The following SGCZ variants were observed in gnomAD, a reference collection of about 807,000 sequenced individuals.
SGCZ encodes sarcoglycan zeta.
In SGCZ, 40 loss-of-function variants were observed where a neutral mutation model predicts 41.3. The observed-to-expected ratio is 0.97, with a 90% CI of 0.75 to 1.26. The LOEUF (loss-of-function observed/expected upper bound fraction) is 1.26, where lower values mean the gene tolerates loss of function less well. Among genes scored for constraint, SGCZ ranks in the 50% most tolerant of loss-of-function variants. SGCZ has a pLI of 0.00. For synonymous variants in SGCZ, 206 were observed against 137.5 expected (o/e 1.50, Z -3.49); for missense variants, 552 against 369.8 (o/e 1.49, Z -4.04).
chr8:14,105,061 A>AAAC (rs1197644865), intron 6 of SGCZ, among the ~76,000 whole-genome samples: 1 of 152,156 alleles, frequency 6.6e-6, no homozygotes, highest in Non-Finnish European at 1.5e-5. Flanking sequence ...AAATAAAAAC[A>AAAC]AACATTAGGC....
chr8:14,617,856 G>GTGTA (rs201298112), intron 1 of SGCZ, among the ~76,000 whole-genome samples: 15,905 of 111,794 alleles, frequency 0.14, 939 homozygotes, highest in African/African-American at 0.2. Context: ...GTTTATGTGT[G>GTGTA]TGTGTGTGTG....
At chr8:14,143,994 C>T (rs1003748731) in intron 5 of SGCZ, among the ~76,000 whole-genome samples, 2 of 152,170 alleles carry the variant, frequency 1.3e-5, no homozygotes, top group Admixed American at 6.5e-5. Flanking sequence ...GTGACCCAAA[C>T]TTCACCACCA....
chr8:14,784,945 AT>A (rs1344597200), intron 1 of SGCZ, among the ~76,000 whole-genome samples: 48 of 129,372 alleles, frequency 3.7e-4, no homozygotes, highest in African/African-American at 1.1e-3. Context: ...AAATATATAT[AT>A]TTTTTATATT....
intron 1 of SGCZ, among the ~76,000 whole-genome samples, chr8:14,949,214 G>C (rs1450816759): frequency 6.6e-6 from 1 of 152,070 alleles, no homozygotes; most frequent in African/African-American, 2.4e-5. Flanking sequence ...TTTAAACTAC[G>C]AGATGGTAGT....
intron 1 of SGCZ, among the ~76,000 whole-genome samples, chr8:14,822,811 A>T (rs577974786): frequency 6.6e-6 from 1 of 152,252 alleles, no homozygotes; most frequent in East Asian, 1.9e-4. Context: ...CATGATATAC[A>T]AAAGTAAACT....
At chr8:14,109,874 A>T (rs1264822450) in intron 5 of SGCZ, among the ~76,000 whole-genome samples, 1 of 152,148 alleles carries the variant, frequency 6.6e-6, no homozygotes, top group Non-Finnish European at 1.5e-5. Flanking sequence ...GTAAATCCCT[A>T]AGATTACAGA....
At chr8:15,228,387 G>C (rs990257108) in intron 1 of SGCZ, among the ~76,000 whole-genome samples, 14 of 152,148 alleles carry the variant, frequency 9.2e-5, no homozygotes, top group African/African-American at 2.7e-4. Flanking sequence ...GCACAGACCT[G>C]ATTATTCATG....
At chr8:14,405,470 T>A (rs192108818) in intron 2 of SGCZ, among the ~76,000 whole-genome samples, 8 of 152,326 alleles carry the variant, frequency 5.3e-5, no homozygotes, top group Admixed American at 5.2e-4. Flanking sequence ...AATGTGCACA[T>A]CATCGGTTAT....
chr8:15,173,667 C>G (rs1799915217), intron 1 of SGCZ, among the ~76,000 whole-genome samples: 1 of 152,086 alleles, frequency 6.6e-6, no homozygotes, highest in African/African-American at 2.4e-5. Context: ...ACAGAACATT[C>G]CCTAATGTCT....
chr8:14,438,304 A>G (rs1479336490), intron 2 of SGCZ, among the ~76,000 whole-genome samples: 1 of 152,046 alleles, frequency 6.6e-6, no homozygotes, highest in Non-Finnish European at 1.5e-5. Context: ...AAAGGTCAAT[A>G]GAGTGTATTT....
At chr8:14,484,192 C>G (rs142207971) in intron 2 of SGCZ, among the ~76,000 whole-genome samples, 324 of 152,206 alleles carry the variant, frequency 2.1e-3, no homozygotes, top group African/African-American at 6.6e-3. Flanking sequence ...CTATACAACT[C>G]AATGACGTTT....
At chr8:14,730,642 T>C (rs1026930670) in intron 1 of SGCZ, among the ~76,000 whole-genome samples, 5 of 150,176 alleles carry the variant, frequency 3.3e-5, no homozygotes, top group African/African-American at 1.2e-4. Flanking sequence ...TGTTCGGAAC[T>C]GAAAACTGTC....
Position 15,143,325 on chromosome 8 carries a change from T to C in SGCZ, c.39+94260A>G, listed in dbSNP as rs2198595. Among the ~76,000 whole-genome samples, 1,334 of 152,306 alleles carry C rather than the reference T, an allele frequency of 8.8e-3. 80 individuals carry two copies. In the East Asian group the frequency reaches 0.15, roughly 17 times the overall value. The stretch of plus-strand genomic sequence containing the variant: ...GCATAACTCTAGCACGTAGTAGGCA[T>C]TGAAAAATATCTATTGAAAGAATAA... On this transcript the variant is annotated intron_variant, in intron 1 of 7. Transcript: ENST00000382080.
At chr8:14,712,415 G>C (rs1318957653) in intron 1 of SGCZ, among the ~76,000 whole-genome samples, 2 of 152,166 alleles carry the variant, frequency 1.3e-5, no homozygotes, top group East Asian at 1.9e-4. Flanking sequence ...GAATCACTTA[G>C]TTCATTCCCA....
intron 1 of SGCZ, among the ~76,000 whole-genome samples, chr8:15,166,990 G>A (rs190128476): frequency 2.0e-5 from 3 of 151,284 alleles, no homozygotes; most frequent in Admixed American, 6.6e-5. Flanking sequence ...TTTGACTTTT[G>A]TTTAGAAAAT....
chr8:14,577,330 A>C (rs1037321757), intron 1 of SGCZ, among the ~76,000 whole-genome samples: 1 of 152,096 alleles, frequency 6.6e-6, no homozygotes, highest in Non-Finnish European at 1.5e-5. Flanking sequence ...AACATTATCA[A>C]ATGAAGCCAA....
intron 1 of SGCZ, among the ~76,000 whole-genome samples, chr8:14,913,473 AT>A (rs1799336808): frequency 6.6e-6 from 1 of 152,036 alleles, no homozygotes; most frequent in Admixed American, 6.6e-5. Context: ...TATAGCAATA[AT>A]TTGTTTAAAG....
chr8:14,989,483 C>T lies in SGCZ; in HGVS notation c.39+248102G>A, dbSNP rs567276708. Among the ~76,000 whole-genome samples, 4 of 152,130 alleles carry T rather than the reference C, an allele frequency of 2.6e-5. 1 individual carries two copies. In the Middle Eastern group the frequency reaches 0.014, roughly 517 times the overall value. On this transcript the variant is annotated intron_variant, in intron 1 of 7. Transcript: ENST00000382080. The stretch of plus-strand genomic sequence containing the variant: ...CCTGTGTGATAAAGCAAGACCAGTC[C>T]TCTAAATACTAATAGTAAAAAAATA...
chr8:14,883,409 CATATTCAATATT>C lies in SGCZ; in HGVS notation c.40-328495_40-328484del, dbSNP rs146216307. Among the ~76,000 whole-genome samples the C allele has an allele frequency of 2.1e-4, 32 of 151,938 alleles. No homozygotes were observed. In the East Asian group the frequency reaches 5.4e-3, roughly 26 times the overall value. ...CTCACATATCTACTTGTGCTTTAGC[CATATTCAATATT>C]ATACATTAAATACACAAATAGTTTT... On this transcript the variant is annotated intron_variant, in intron 1 of 7. Coordinates refer to ENST00000382080, the MANE Select transcript of SGCZ (RefSeq NM_139167.4).
Sources: gnomAD v4.1 joint callset for allele counts (sites outside exome capture counted in the v4.1 genomes callset) on GRCh38, gnomAD v4.1.1 for gene constraint, MANE v1.5 for transcripts, NCBI Gene and HGNC (gene_info 2026-07-23, HGNC 2026-07-21) for gene names.